Variants in GALE observed in about 807,000 individuals in gnomAD.
GALE encodes the protein UDP-glucose 4-epimerase.
A neutral mutation model predicts 44.1 loss-of-function variants in GALE; 32 were observed. The observed-to-expected ratio is 0.73, with a 90% CI of 0.55 to 0.97. The LOEUF is 0.97. Among genes scored for constraint, GALE ranks in the 50% least tolerant of loss-of-function variants. The probability of loss-of-function intolerance (pLI) is 0.00; values close to 1 mark genes in which losing one functional copy is unlikely to be tolerated. For synonymous variants in GALE, 182 were observed against 183.5 expected, an observed-to-expected ratio of 0.99 and a Z score of 0.06; for missense variants, 423 against 455.6, an observed-to-expected ratio of 0.93 and a Z score of 0.65.
Position 23,796,132 on chromosome 1 carries a change from G to T in GALE, c.988+19C>A, listed in dbSNP as rs1473818823. ...GCCCCTCCCTGGCCCCTAACTGCAG[G>T]GGTCAGGCCAGCACTCACACATCCT... On this transcript the variant is annotated intron_variant, in intron 11 of 11. Coordinates refer to ENST00000617979, the MANE Select transcript of GALE (RefSeq NM_001008216.2). This position sits in a 1 kb window ranked among gnomAD's most constrained non-coding sequence, Gnocchi z 5.2. The T allele has an allele frequency of 6.2e-7, 1 of 1,608,704 alleles. No homozygotes were observed. Among genetic ancestry groups the T allele is most frequent in the South Asian group, 1.1e-5 (1 of 90,992 alleles).
Position 23,798,329 on chromosome 1 carries a change from C to G in GALE, c.238-99G>C, listed in dbSNP as rs550366221. On this transcript the variant is annotated intron_variant, in intron 4 of 11. Coordinates refer to ENST00000617979, the MANE Select transcript of GALE (RefSeq NM_001008216.2). The surrounding 1 kb of genome is among the most constrained non-coding windows in gnomAD (Gnocchi z 4.5). ...CACTCACCTTTTTTTTTTTTTTTGA[C>G]AGTCTCGCTCTGTTGTCCAGGCTGG... 5 of 808,072 alleles carry G rather than the reference C, an allele frequency of 6.2e-6. No homozygotes were observed. In the South Asian group the frequency reaches 7.1e-5, roughly 12 times the overall value. The allele number at this position is 808,072 out of a possible 1,614,324, so 50.1% of individuals were successfully genotyped here.
In GALE at chr1:23,798,840, G is replaced by A. The variant is rs754537742; in HGVS notation, c.121+47C>T. The A allele has an allele frequency of 6.2e-7, 1 of 1,613,894 alleles. No homozygotes were observed. The highest frequency in any genetic ancestry group is 8.5e-7 in the Non-Finnish European group (1 of 1,179,924). ...TGGTGGAGGTGGAACCCAGGGTTTT[G>A]CTTCTGCCATCCCCTCAAGTAGCCC... is the stretch of plus-strand genomic sequence containing the variant. On this transcript the variant is annotated intron_variant, in intron 3 of 11. Transcript: ENST00000617979. This position sits in a 1 kb window ranked among gnomAD's most constrained non-coding sequence, Gnocchi z 4.5.
chr1:23,796,779 A>G lies in GALE; in HGVS notation c.713T>C (p.Val238Ala), dbSNP rs1348284514. The G allele has an allele frequency of 6.2e-7, 1 of 1,610,344 alleles. No homozygotes were observed. The highest frequency in any genetic ancestry group is 1.3e-5 in the African/African-American group (1 of 74,962). Residue 238 changes from valine to alanine, a missense_variant, in exon 9 of 12, where the codon GTC becomes GCC. By Grantham distance (64) the Val-to-Ala change is moderately conservative (BLOSUM62 0). Transcript: ENST00000617979. The surrounding 1 kb of genome is among the most constrained non-coding windows in gnomAD (Gnocchi z 5.2). ...ATCCACGACATGGATGTAATCCCGG[A>G]CACCTGCAGAGAAGGGAGTGTGTTG... ...NDYDTEDGTG[V>A]RDYIHVVDLA...
Position 23,798,918 on chromosome 1 carries a change from C to G in GALE, c.90G>C (p.Val30=). Residue 30 remains valine (V), a synonymous_variant, in exon 3 of 12, where the codon GTG becomes GTC. Coordinates refer to ENST00000617979, the MANE Select transcript of GALE (RefSeq NM_001008216.2). The surrounding 1 kb of genome is among the most constrained non-coding windows in gnomAD (Gnocchi z 4.5). ...AGGCATTATGGAAGTTATCGATGAC[C>G]ACAGGCAAGTAGCCAGCCTCCAGCA... The part of the protein sequence containing the change: ...LELLEAGYLP[V]VIDNFHNAFR... The G allele has an allele frequency of 6.2e-7, 1 of 1,614,198 alleles. No individual in the cohort carries two copies. The highest frequency in any genetic ancestry group is 8.5e-7 in the Non-Finnish European group (1 of 1,180,048).
At position 23,795,750 on chromosome 1, in the gene GALE, G is replaced by A; in HGVS notation, c.*199C>T. ...TCCTGATGAACTCTTGGACCCTGTG[G>A]AAGATAAGAGTTAGAGACCTCGGCC... On this transcript the variant is annotated 3_prime_UTR_variant, in exon 12 of 12. Transcript: ENST00000617979. 1 of 624,730 alleles carries A rather than the reference G, an allele frequency of 1.6e-6. No individual in the cohort carries two copies. Among genetic ancestry groups the A allele is most frequent in the South Asian group, 1.9e-5 (1 of 52,218 alleles). The allele number at this position is 624,730 out of a possible 1,614,324, so 38.7% of individuals were successfully genotyped here.
Position 23,795,682 on chromosome 1 carries a change from A to G in GALE, c.*267T>C. 1 of 584,664 alleles carries G rather than the reference A, an allele frequency of 1.7e-6. No homozygotes were observed. 36.2% of individuals were successfully genotyped at this position (584,664 alleles called of 1,614,324 possible). A position where few individuals can be genotyped will look rare whatever the true frequency, so the allele number is the denominator to read the frequency against. ...ATATAAATGAGTGCCTGGGAGGAGGAGGTTTTGTGCCAGAGCCTTGCCCCC... is the reference window on the plus strand; with the variant it reads ...ATATAAATGAGTGCCTGGGAGGAGGGGGTTTTGTGCCAGAGCCTTGCCCCC... On this transcript the variant is annotated 3_prime_UTR_variant, in exon 12 of 12. Coordinates refer to ENST00000617979, the MANE Select transcript of GALE (RefSeq NM_001008216.2).
At chr1:23,797,232 G>GT (rs1557479492) in intron 6 of GALE, 85 bp from the exon 7 acceptor site, 8 of 956,912 alleles carry the variant, frequency 8.4e-6, no homozygotes, top group Middle Eastern at 2.5e-4. Flanking sequence ...TGCCTATTCT[G>GT]TTTTTTTGAG....
At position 23,796,393 on chromosome 1, in the gene GALE, A is replaced by G. The variant is rs1638951388; in HGVS notation, c.873+116T>C. On this transcript the variant is annotated intron_variant, in intron 10 of 11. Transcript: ENST00000617979. This position sits in a 1 kb window ranked among gnomAD's most constrained non-coding sequence, Gnocchi z 5.2. Reference sequence around the variant, plus strand: ...GCACCGGGTGCTAGGCAGGCTGAGGAGACTGGGCAGTGCCAGGTACCCTCC... The same window carrying G: ...GCACCGGGTGCTAGGCAGGCTGAGGGGACTGGGCAGTGCCAGGTACCCTCC... 2.1e-6 allele frequency: 3 copies of G among 1,418,878 alleles called. No homozygotes were observed. In the South Asian group the frequency reaches 3.5e-5, roughly 16 times the overall value. The allele number at this position is 1,418,878 out of a possible 1,614,324, so 87.9% of individuals were successfully genotyped here.
At chr1:23,799,245 C>T in intron 2 of GALE, 121 bp downstream of exon 2, 1 of 580,646 alleles carries the variant, frequency 1.7e-6, no homozygotes, top group South Asian at 2.0e-5. Context: ...TAAAACAGAG[C>T]TAATAATTGT....
At chr1:23,797,409 G>A (rs1397319876) in intron 6 of GALE, among the ~76,000 whole-genome samples, 1 of 152,142 alleles carries the variant, frequency 6.6e-6, no homozygotes, top group East Asian at 1.9e-4. Context: ...AGTAGAGATG[G>A]GGGTTTTACC....
Position 23,798,755 on chromosome 1 carries a change from T to G in GALE, c.122-25A>C. 6.2e-7 allele frequency: 1 copy of G among 1,608,388 alleles called. No homozygotes were observed. The highest frequency in any genetic ancestry group is 8.5e-7 in the Non-Finnish European group (1 of 1,174,774). Reference sequence around the variant, plus strand: ...CCTGGTAGGGTACATGTAGGCCACATCATCACGACATGGGGTGCTGTGTTC... The same window carrying G: ...CCTGGTAGGGTACATGTAGGCCACAGCATCACGACATGGGGTGCTGTGTTC... On this transcript the variant is annotated intron_variant, in intron 3 of 11. Transcript: ENST00000617979. This position sits in a 1 kb window ranked among gnomAD's most constrained non-coding sequence, Gnocchi z 4.5.
chr1:23,797,537 C>T (rs1026327692), intron 6 of GALE, among the ~76,000 whole-genome samples, 158 bp downstream of exon 6: 6 of 152,026 alleles, frequency 3.9e-5, no homozygotes, highest in African/African-American at 1.4e-4. Flanking sequence ...TATTTATTAT[C>T]TTTAGAAACA....
chr1:23,797,267 T>G, intron 6 of GALE, 120 bp from the exon 7 acceptor site: 3 of 732,866 alleles, frequency 4.1e-6, no homozygotes, highest in South Asian at 3.2e-5. Context: ...TGGCCCAGGC[T>G]GGAGTGTAGT....
At chr1:23,797,607 G>A (rs1639000728) in intron 6 of GALE, 88 bp downstream of exon 6, 2 of 1,266,850 alleles carry the variant, frequency 1.6e-6, no homozygotes, top group South Asian at 2.4e-5. Flanking sequence ...CTTAGTGGGG[G>A]TGTTCGGAAT....
Position 23,798,384 on chromosome 1 carries a change from A to C in GALE, c.238-154T>G, listed in dbSNP as rs1431184786. On this transcript the variant is annotated intron_variant, in intron 4 of 11. Transcript: ENST00000617979. This position sits in a 1 kb window ranked among gnomAD's most constrained non-coding sequence, Gnocchi z 4.5. ...CAGTGGTGCCATCTCAGCTCACCGC[A>C]ACCTCCACCTCCCAGGCTCAAGCCA... 1 of 715,488 alleles carries C rather than the reference A, an allele frequency of 1.4e-6. No homozygotes were observed. The highest frequency in any genetic ancestry group is 2.5e-6 in the Non-Finnish European group (1 of 403,054). 44.3% of individuals were successfully genotyped at this position (715,488 alleles called of 1,614,324 possible). A position where few individuals can be genotyped will look rare whatever the true frequency, so the allele number is the denominator to read the frequency against.
rs1272818104 is a variant in GALE, at chr1:23,797,864, T to C, written c.359A>G (p.Lys120Arg). Residue 120 changes from lysine to arginine, a missense_variant, in exon 6 of 12, where the codon AAG becomes AGG. Physicochemically the swap from Lys to Arg is conservative, Grantham distance 26. Coordinates refer to ENST00000617979, the MANE Select transcript of GALE (RefSeq NM_001008216.2). The part of the protein sequence containing the change: ...TGTIQLLEIM[K>R]AHGVKNLVFS... ...CACCAGGTTCTTCACCCCGTGGGCC[T>C]TCATGATCTGGCCGTGGAGAGATGG... is the stretch of plus-strand genomic sequence containing the variant. 6.2e-7 allele frequency: 1 copy of C among 1,614,092 alleles called. No individual in the cohort carries two copies. The highest frequency in any genetic ancestry group is 1.3e-5 in the African/African-American group (1 of 74,940).
chr1:23,798,869 C>A lies in GALE; in HGVS notation c.121+18G>T, dbSNP rs758195864. On this transcript the variant is annotated intron_variant, in intron 3 of 11. Transcript: ENST00000617979. The surrounding 1 kb of genome is among the most constrained non-coding windows in gnomAD (Gnocchi z 4.5). ...CTGCCATCCCCTCAAGTAGCCCCAG[C>A]CCCACTGCCCCGCTCACCACGGAAG... 1 of 1,614,070 alleles carries A rather than the reference C, an allele frequency of 6.2e-7. No homozygotes were observed. The highest frequency in any genetic ancestry group is 8.5e-7 in the Non-Finnish European group (1 of 1,180,044).
Position 23,797,705 on chromosome 1 carries a change from T to G in GALE, c.518A>C (p.Gln173Pro), listed in dbSNP as rs149888063. 1 of 1,613,980 alleles carries G rather than the reference T, an allele frequency of 6.2e-7. No individual in the cohort carries two copies. Among genetic ancestry groups the G allele is most frequent in the Non-Finnish European group, 8.5e-7 (1 of 1,179,992 alleles). ...CAAGGGGGCCCTCACCTTGTCTGCC[T>G]GGCACAGGTCCCGGATCATTTCCTC... is the stretch of plus-strand genomic sequence containing the variant. ...FIEEMIRDLC[Q>P]ADKTWNAVLL... The change falls in exon 6 of 12, where the codon CAG becomes CCG. Residue 173 changes from glutamine to proline, a missense_variant. Gln to Pro is a moderately conservative substitution (Grantham distance 76, BLOSUM62 -1). Transcript: ENST00000617979.
In GALE at chr1:23,798,392, C is replaced by T. The variant is rs1639030235; in HGVS notation, c.238-162G>A. 1.3e-5 allele frequency: 9 copies of T among 712,108 alleles called. No individual in the cohort carries two copies. The highest frequency in any genetic ancestry group is 2.0e-5 in the Non-Finnish European group (8 of 399,716). The allele number at this position is 712,108 out of a possible 1,614,324, so 44.1% of individuals were successfully genotyped here. On this transcript the variant is annotated intron_variant, in intron 4 of 11. Coordinates refer to ENST00000617979, the MANE Select transcript of GALE (RefSeq NM_001008216.2). The surrounding 1 kb of genome is among the most constrained non-coding windows in gnomAD (Gnocchi z 4.5). ...CCATCTCAGCTCACCGCAACCTCCA[C>T]CTCCCAGGCTCAAGCCATCCTCCCA...
Sources: allele counts gnomAD v4.1 joint callset (sites outside exome capture counted in the v4.1 genomes callset), GRCh38; gene constraint gnomAD v4.1.1; non-coding constraint Gnocchi (gnomAD v3.1); transcripts MANE v1.5; gene names NCBI Gene and HGNC (gene_info 2026-07-23, HGNC 2026-07-21).